PFKP: variants seen among roughly 807,000 people sequenced by gnomAD.
The protein encoded by PFKP is phosphofructokinase, platelet.
In PFKP, 101 loss-of-function variants were observed where a neutral mutation model predicts 94.3. The ratio of observed to expected loss-of-function variants is 1.07; its 90% CI spans 0.91 to 1.26. The LOEUF (loss-of-function observed/expected upper bound fraction) is 1.26, where lower values mean the gene tolerates loss of function less well. Among genes scored for constraint, PFKP ranks in the 50% most tolerant of loss-of-function variants. The pLI, the probability that PFKP is intolerant of heterozygous loss-of-function variation, is 0.00. For synonymous variants in PFKP, 573 were observed against 432.6 expected (o/e 1.32, Z -4.03); for missense variants, 1,145 against 1,103.3 (o/e 1.04, Z -0.53).
rs1298424654 is a variant in PFKP at position 3,079,663 on chromosome 10, G to T, written c.113-2725G>T. Among the ~76,000 whole-genome samples the T allele has an allele frequency of 3.4e-4, 3 of 8,726 alleles. No homozygotes were observed. In the African/African-American group the frequency reaches 3.7e-3, roughly 11 times the overall value. 5.7% of individuals were successfully genotyped at this position (8,726 alleles called of 152,430 possible). On this transcript the variant is annotated intron_variant, in intron 1 of 21. Transcript: ENST00000381125. ...GAACGAGGTCTTCAGAGAGCGGGGT[G>T]GGGGGGGGGGGAAGAGGAGCAGGGG...
At chr10:3,121,317 A>G (rs11251729) in intron 16 of PFKP, among the ~76,000 whole-genome samples, 69,120 of 152,014 alleles carry the variant, frequency 0.45, 15,671 homozygotes, top group East Asian at 0.48. Context: ...CCGGCTCTGG[A>G]CCTACCTTCG....
At chr10:3,083,600 T>C (rs557797160) in intron 2 of PFKP, among the ~76,000 whole-genome samples, 2 of 152,254 alleles carry the variant, frequency 1.3e-5, no homozygotes, top group South Asian at 2.1e-4. Context: ...GATTATGTCA[T>C]GACTTTTCAC....
intron 17 of PFKP, among the ~76,000 whole-genome samples, 181 bp from the exon 18 acceptor site, chr10:3,132,199 G>A (rs925070799): frequency 2.6e-5 from 4 of 152,286 alleles, no homozygotes; most frequent in Admixed American, 1.3e-4. Context: ...AGCGTTCATC[G>A]CTGCAGACGT....
intron 1 of PFKP, among the ~76,000 whole-genome samples, chr10:3,081,184 T>C (rs937085323): frequency 2.6e-5 from 4 of 152,188 alleles, no homozygotes; most frequent in Admixed American, 6.5e-5. Flanking sequence ...TTCAGCCAAA[T>C]AGATACTCTC....
At chr10:3,135,654 T>G in intron 20 of PFKP, 82 bp from the exon 21 acceptor site, 1 of 834,824 alleles carries the variant, frequency 1.2e-6, no homozygotes, top group Non-Finnish European at 2.0e-6. Flanking sequence ...GGAATCTCAG[T>G]TCTCATCTCG....
At chr10:3,099,899 T>A (rs1834814554) in intron 3 of PFKP, among the ~76,000 whole-genome samples, 1 of 142,144 alleles carries the variant, frequency 7.0e-6, no homozygotes, top group East Asian at 2.1e-4. Flanking sequence ...TGTAACTGTG[T>A]GAGTCTGGTG....
At chr10:3,102,219 C>G (rs372908564) in intron 4 of PFKP, among the ~76,000 whole-genome samples, 2,245 of 122,528 alleles carry the variant, frequency 0.018, 72 homozygotes, top group African/African-American at 0.063. Flanking sequence ...CCACTGCACT[C>G]CAGCCTGGGC....
At chr10:3,075,862 A>C (rs1225001649) in intron 1 of PFKP, among the ~76,000 whole-genome samples, 1 of 145,918 alleles carries the variant, frequency 6.9e-6, no homozygotes, top group Non-Finnish European at 1.5e-5. Flanking sequence ...CTGTGACTGC[A>C]CCAGTTCACT....
intron 1 of PFKP, among the ~76,000 whole-genome samples, chr10:3,081,075 A>T (rs2131414935): frequency 6.6e-6 from 1 of 152,346 alleles, no homozygotes; most frequent in Admixed American, 6.5e-5. Context: ...TATAAAGTAA[A>T]TAAGACTATG....
intron 16 of PFKP, 78 bp downstream of exon 16, chr10:3,120,122 G>A: frequency 2.5e-6 from 3 of 1,179,924 alleles, no homozygotes; most frequent in Non-Finnish European, 3.7e-6. Flanking sequence ...ATCTACCAGT[G>A]CGCTAGAAAT....
intron 2 of PFKP, among the ~76,000 whole-genome samples, chr10:3,086,875 C>T (rs909846236): frequency 6.6e-6 from 1 of 152,154 alleles, no homozygotes; most frequent in African/African-American, 2.4e-5. Flanking sequence ...CAGATGTCCT[C>T]AGACCTGTGC....
At chr10:3,090,304 T>C (rs1043156021) in intron 2 of PFKP, among the ~76,000 whole-genome samples, 2 of 152,262 alleles carry the variant, frequency 1.3e-5, no homozygotes, top group Non-Finnish European at 2.9e-5. Context: ...CTGCAGTGAC[T>C]GTGGATGCAT....
chr10:3,118,080 C>T (rs1015495373), intron 14 of PFKP, among the ~76,000 whole-genome samples: 10 of 152,168 alleles, frequency 6.6e-5, no homozygotes, highest in African/African-American at 2.2e-4. Flanking sequence ...TTGGTGAGAG[C>T]ATGGGGGAGG....
chr10:3,095,166 A>G (rs1335006090), intron 2 of PFKP, among the ~76,000 whole-genome samples: 1 of 152,036 alleles, frequency 6.6e-6, no homozygotes, highest in African/African-American at 2.4e-5. Flanking sequence ...CTGCAACACA[A>G]CGGTATAATT....
rs368880362 is a variant in PFKP at position 3,118,880 on chromosome 10, G to A, written c.1530+11G>A. ...ATCGGTGGATTCGAGGTACGTTACC[G>A]TTTCTCTCTTGCCGGTCTTGCAGGT... is the stretch of plus-strand genomic sequence containing the variant. On this transcript the variant is annotated intron_variant, in intron 15 of 21. Coordinates refer to ENST00000381125, the MANE Select transcript of PFKP (RefSeq NM_002627.5). 3.1e-6 allele frequency: 5 copies of A among 1,605,032 alleles called. No individual in the cohort carries two copies. The highest frequency in any genetic ancestry group is 2.6e-6 in the Non-Finnish European group (3 of 1,172,616).
chr10:3,096,608 C>T (rs1004198371), intron 2 of PFKP, among the ~76,000 whole-genome samples: 1 of 151,584 alleles, frequency 6.6e-6, no homozygotes, highest in Non-Finnish European at 1.5e-5. Flanking sequence ...AAGAAGGGTC[C>T]GTTTCACGGT....
chr10:3,096,842 T>A (rs61835137), intron 2 of PFKP, among the ~76,000 whole-genome samples: 1 of 139,032 alleles, frequency 7.2e-6, no homozygotes, highest in Admixed American at 7.0e-5. Flanking sequence ...ACTTTGGGAG[T>A]CCGAGGCGGG....
intron 16 of PFKP, among the ~76,000 whole-genome samples, chr10:3,121,803 CTTTTTTTTTTTTTTTTTTTTTTTTTTTCT>C (rs1837444209): frequency 3.1e-5 from 1 of 32,624 alleles, no homozygotes; most frequent in East Asian, 1.2e-3. Context: ...CTTTTTTTTT[CTTTTTTTTTTTTTTTTTTTTTTTTTTTCT>C]TTTTTTGGAG....
At position 3,096,995 on chromosome 10, in the gene PFKP, A is replaced by G. The variant is rs546615589; in HGVS notation, c.187-2280A>G. On this transcript the variant is annotated intron_variant, in intron 2 of 21. Coordinates refer to ENST00000381125, the MANE Select transcript of PFKP (RefSeq NM_002627.5). The stretch of plus-strand genomic sequence containing the variant: ...AAGGAGGCTGAGGTGGGAGAATGGC[A>G]GGAACCCGGGAGGCGGAGCTTGCAA... 4.8e-3 allele frequency among the ~76,000 whole-genome samples: 540 copies of G among 111,542 alleles called. 52 individuals carry two copies. The highest frequency in any genetic ancestry group is 0.018 in the African/African-American group (511 of 28,258). The allele number at this position is 111,542 out of a possible 152,430, so 73.2% of individuals were successfully genotyped here.
Sources: gnomAD v4.1 joint callset for allele counts (sites outside exome capture counted in the v4.1 genomes callset) on GRCh38, gnomAD v4.1.1 for gene constraint, MANE v1.5 for transcripts, NCBI Gene and HGNC (gene_info 2026-07-23, HGNC 2026-07-21) for gene names.